IL17REL: variants seen among roughly 807,000 people sequenced by gnomAD.
IL17REL encodes interleukin-17 receptor E-like protein.
A neutral mutation model predicts 49.0 loss-of-function variants in IL17REL; 36 were observed. The ratio of observed to expected loss-of-function variants is 0.73; its 90% confidence interval spans 0.56 to 0.97. The LOEUF (loss-of-function observed/expected upper bound fraction) is 0.97. Among genes scored for constraint, IL17REL ranks in the 50% least tolerant of loss-of-function variants. The pLI is 0.00. For synonymous variants in IL17REL, 206 were observed against 192.4 expected (o/e 1.07, Z -0.58); for missense variants, 470 against 453.9 (o/e 1.04, Z -0.32).
intron 1 of IL17REL, among the ~76,000 whole-genome samples, chr22:50,007,040 C>T (rs867586456): frequency 6.6e-6 from 1 of 150,830 alleles, no homozygotes; most frequent in Non-Finnish European, 1.5e-5. Flanking sequence ...TCATAAAATT[C>T]AATACCTATT....
chr22:49,998,854 T>C (rs1192142891), intron 7 of IL17REL, among the ~76,000 whole-genome samples: 1 of 151,996 alleles, frequency 6.6e-6, no homozygotes, highest in Admixed American at 6.6e-5. Flanking sequence ...TGTGCATGTG[T>C]ATGGGCGTGT....
At chr22:50,012,620 G>A (rs1158183843), upstream of IL17REL, 1 of 152,276 alleles carries the variant, frequency 6.6e-6, no homozygotes, top group African/African-American at 2.4e-5. Flanking sequence ...TCAGGCCCAA[G>A]AACGCGAGTG....
exon 13 of IL17REL, chr22:49,996,791 A>G (rs2061037321): frequency 5.9e-6 from 3 of 504,820 alleles, no homozygotes; most frequent in South Asian, 3.0e-5. Flanking sequence ...CCCCTGAGAG[A>G]TGGGCACCCA....
chr22:49,998,884 C>A (rs1017085481), intron 7 of IL17REL, among the ~76,000 whole-genome samples: 1 of 148,764 alleles, frequency 6.7e-6, no homozygotes, highest in South Asian at 2.2e-4. Context: ...GGTGTCTGTG[C>A]ATGTGTGTGT....
chr22:50,003,519 C>CAAAAA (rs142337526), intron 1 of IL17REL, among the ~76,000 whole-genome samples: 555 of 38,974 alleles, frequency 0.014, 43 homozygotes, highest in Middle Eastern at 0.062. Flanking sequence ...GACTCCATCT[C>CAAAAA]AAAAAAAAAA....
At chr22:50,007,615 G>A (rs2061117131) in intron 1 of IL17REL, among the ~76,000 whole-genome samples, 1 of 152,164 alleles carries the variant, frequency 6.6e-6, no homozygotes, top group East Asian at 1.9e-4. Context: ...CTGACGTCAG[G>A]TGATCCACCT....
exon 13 of IL17REL, chr22:49,995,034 G>A (rs772940355): frequency 2.6e-5 from 4 of 152,464 alleles, no homozygotes; most frequent in South Asian, 2.1e-4. Flanking sequence ...CTCTGGAGGG[G>A]TCCGAGTGGG....
intron 9 of IL17REL, 97 bp from the exon 12 acceptor site, chr22:49,997,839 G>C: frequency 7.0e-7 from 1 of 1,429,852 alleles, no homozygotes; most frequent in Admixed American, 1.7e-5. Context: ...CAGCTTCAGG[G>C]TGCTCTGGGC....
At position 49,998,179 on chromosome 22, in the gene IL17REL, G is replaced by GCCGGCCC. The variant is rs1048308134; in HGVS notation, c.725_731dup (p.Cys245GlyfsTer5). 6 of 1,610,612 alleles carry GCCGGCCC rather than the reference G, an allele frequency of 3.7e-6. No individual in the cohort carries two copies. Among genetic ancestry groups the GCCGGCCC allele is most frequent in the East Asian group, 2.2e-5 (1 of 44,890 alleles). On this transcript the variant is annotated frameshift_variant, in exon 8 of 13. Coordinates refer to ENST00000341280, the Ensembl canonical transcript of IL17REL. LOFTEE classifies it high-confidence loss of function. ...GGCTGGATTGCTGCAGCTTACGGCAGCCGGCCCCCGGCCCCGGGCGCCAGC... is the reference window on the plus strand; with the variant it reads ...GGCTGGATTGCTGCAGCTTACGGCAGCCGGCCCCCGGCCCCCGGCCCCGGGCGCCAGC...
rs762921741 is a variant in IL17REL at position 49,998,241 on chromosome 22, C to T, written c.670G>A (p.Glu224Lys). ...TGGCCACTCACAGGGCAGGCGGGCTCCCAGCTCAGTGTCTGGCTCTCCGGG... is the reference window on the plus strand; with the variant it reads ...TGGCCACTCACAGGGCAGGCGGGCTTCCAGCTCAGTGTCTGGCTCTCCGGG... The change falls in exon 8 of 13, where the codon GAG becomes AAG. Residue 224 changes from glutamate to lysine, a missense_variant. Glu to Lys is a moderately conservative substitution (Grantham distance 56). Coordinates refer to ENST00000341280, the Ensembl canonical transcript of IL17REL. 18 of 1,612,432 alleles carry T rather than the reference C, an allele frequency of 1.1e-5. No individual in the cohort carries two copies. In the Admixed American group the frequency reaches 2.8e-4, roughly 25 times the overall value.
At chr22:49,995,813 G>A (rs911538140) in exon 13 of IL17REL, 4 of 152,734 alleles carry the variant, frequency 2.6e-5, no homozygotes, top group Non-Finnish European at 5.8e-5. Context: ...AGAGGAGTGT[G>A]TATGACCCCC....
intron 1 of IL17REL, among the ~76,000 whole-genome samples, chr22:50,001,913 C>T (rs1374737051): frequency 2.0e-5 from 3 of 152,228 alleles, no homozygotes; most frequent in South Asian, 2.1e-4. Context: ...GCATGGCCAC[C>T]GAGGCGTGGG....
chr22:50,009,303 GC>G (rs963251457), upstream of IL17REL, among the ~76,000 whole-genome samples: 1 of 152,068 alleles, frequency 6.6e-6, no homozygotes, highest in African/African-American at 2.4e-5. Context: ...ATCATCCCCA[GC>G]CCAACCTGAC....
intron 9 of IL17REL, 23 bp downstream of exon 11, chr22:49,998,002 G>A (rs1483015418): frequency 3.8e-6 from 6 of 1,595,008 alleles, no homozygotes; most frequent in Non-Finnish European, 4.3e-6. Context: ...ATAGGGCACT[G>A]GCAGGCTGTG....
chr22:50,000,589 G>A lies in IL17REL; in HGVS notation c.223C>T (p.Gln75Ter). 2 of 1,613,070 alleles carry A rather than the reference G, an allele frequency of 1.2e-6. No individual in the cohort carries two copies. The highest frequency in any genetic ancestry group is 8.5e-7 in the Non-Finnish European group (1 of 1,179,672). ...ACCGCAAAGCAGCCAAAGTGCACTT[G>A]GAGCTGAGCAGGTGCAGGTGTGAGC... The change falls in exon 4 of 13, where the codon CAA (glutamine) becomes TAA (stop). Residue 75 changes from glutamine (Q) to a stop codon, truncating the protein, a stop_gained. Transcript: ENST00000341280. LOFTEE classifies it high-confidence loss of function.
At chr22:49,995,818 AC>A in exon 13 of IL17REL, 1 of 151,672 alleles carries the variant, frequency 6.6e-6, no homozygotes, top group Non-Finnish European at 1.5e-5. Context: ...AGTGTGTATG[AC>A]CCCCAGATCC....
chr22:50,000,013 C>G, intron 4 of IL17REL, 46 bp from the exon 7 acceptor site: 2 of 1,431,064 alleles, frequency 1.4e-6, no homozygotes, highest in Non-Finnish European at 1.8e-6. Flanking sequence ...CAGCGGTCAC[C>G]GACGCGGGGC....
rs763502795 is a variant in IL17REL at position 49,999,992 on chromosome 22, C to T, written c.335-25G>A. 1.9e-4 allele frequency: 283 copies of T among 1,487,250 alleles called. 1 individual carries two copies. Among genetic ancestry groups the T allele is most frequent in the Non-Finnish European group, 2.3e-4 (258 of 1,113,856 alleles). The allele number at this position is 1,487,250 out of a possible 1,614,324, so 92.1% of individuals were successfully genotyped here. Reference sequence around the variant, plus strand: ...GCTGCAGGAGGCGGCAAGTCGGGGCCGCGCTGGGACCAGCGGTCACCGACG... The same window carrying T: ...GCTGCAGGAGGCGGCAAGTCGGGGCTGCGCTGGGACCAGCGGTCACCGACG... On this transcript the variant is annotated intron_variant, in intron 4 of 12. Coordinates refer to ENST00000341280, the Ensembl canonical transcript of IL17REL.
chr22:49,998,273 T>C, exon 8 of IL17REL: 1 of 1,611,520 alleles, frequency 6.2e-7, no homozygotes, highest in Non-Finnish European at 8.5e-7. Flanking sequence ...CGGGTGGTAG[T>C]AGACCGTGTC....
Sources: gnomAD v4.1 joint callset for allele counts (sites outside exome capture counted in the v4.1 genomes callset) on GRCh38, gnomAD v4.1.1 for gene constraint, MANE v1.5 for transcripts, NCBI Gene and HGNC (gene_info 2026-07-23, HGNC 2026-07-21) for gene names.